PDZRN4: variants seen among roughly 807,000 people sequenced by gnomAD.
The protein encoded by PDZRN4 is PDZ domain containing ring finger 4.
In PDZRN4, 70 loss-of-function variants were observed where a neutral mutation model predicts 99.0. That is an observed-to-expected ratio of 0.71 (90% confidence interval 0.58 to 0.86). The LOEUF is 0.86. PDZRN4 is among the 40% of genes least tolerant of loss of function. The pLI, the probability that PDZRN4 is intolerant of heterozygous loss-of-function variation, is 0.00. For missense variants in PDZRN4, 1,474 were observed against 1,331.2 expected, an observed-to-expected ratio of 1.11 and a Z score of -1.67; for synonymous variants, 551 against 501.6, an observed-to-expected ratio of 1.10 and a Z score of -1.32.
At chr12:41,477,840 T>G (rs775110722) in intron 3 of PDZRN4, 2 of 1,461,562 alleles carry the variant, frequency 1.4e-6, no homozygotes, top group African/African-American at 2.8e-5. Context: ...AATGCTTATC[T>G]TTGGATTTTT....
chr12:41,208,097 G>C (rs964188224), intron 3 of PDZRN4, among the ~76,000 whole-genome samples: 1 of 151,852 alleles, frequency 6.6e-6, no homozygotes, highest in Non-Finnish European at 1.5e-5. Context: ...TGAGTGTCCT[G>C]TCTTTTGTGT....
rs1939312788 is a variant in PDZRN4 at position 41,563,666 on chromosome 12, A to G, written c.1467+17A>G. On this transcript the variant is annotated intron_variant, in intron 8 of 9. Transcript: ENST00000402685. ...GAGATTCAGGTCAGAACAGAGATCA[A>G]AAGCCTTGAGACTGAACTTTATATT... is the stretch of plus-strand genomic sequence containing the variant. The G allele has an allele frequency of 1.3e-6, 2 of 1,562,540 alleles. No individual in the cohort carries two copies. The highest frequency in any genetic ancestry group is 2.7e-5 in the African/African-American group (2 of 73,726).
chr12:41,463,226 G>A (rs747372490), intron 3 of PDZRN4, among the ~76,000 whole-genome samples: 1 of 152,104 alleles, frequency 6.6e-6, no homozygotes, highest in Non-Finnish European at 1.5e-5. Flanking sequence ...TGGACAAACG[G>A]CTGATTTGTA....
chr12:41,293,603 G>T (rs1382191083), intron 3 of PDZRN4, among the ~76,000 whole-genome samples: 1 of 152,028 alleles, frequency 6.6e-6, no homozygotes, highest in Non-Finnish European at 1.5e-5. Context: ...CACCATTAAT[G>T]CATATCCCTG....
chr12:41,385,278 T>C (rs764596527), intron 3 of PDZRN4, among the ~76,000 whole-genome samples: 1 of 152,060 alleles, frequency 6.6e-6, no homozygotes, highest in Admixed American at 6.6e-5. Context: ...AGCCAAAGAA[T>C]GAAGGAGGCA....
intron 3 of PDZRN4, among the ~76,000 whole-genome samples, chr12:41,455,827 G>C (rs1277299631): frequency 6.6e-6 from 1 of 152,140 alleles, no homozygotes; most frequent in Non-Finnish European, 1.5e-5. Context: ...TGGTTGAATA[G>C]AAATTTGTTC....
At chr12:41,351,421 G>A (rs1357797654) in intron 3 of PDZRN4, among the ~76,000 whole-genome samples, 1 of 152,068 alleles carries the variant, frequency 6.6e-6, no homozygotes, top group South Asian at 2.1e-4. Flanking sequence ...CTGCTATGAA[G>A]ACACACTTGA....
intron 3 of PDZRN4, among the ~76,000 whole-genome samples, chr12:41,333,086 G>T (rs1592016021): frequency 6.6e-6 from 1 of 152,066 alleles, no homozygotes; most frequent in Non-Finnish European, 1.5e-5. Context: ...TGACCTCAAA[G>T]CCTGCACCTG....
At chr12:41,440,950 G>C (rs1048698163) in intron 3 of PDZRN4, among the ~76,000 whole-genome samples, 13 of 152,072 alleles carry the variant, frequency 8.5e-5, no homozygotes, top group Admixed American at 7.9e-4. Flanking sequence ...AGCTACAATA[G>C]CTTGTTAGGT....
Position 41,509,886 on chromosome 12 carries a change from A to G in PDZRN4, c.1176A>G (p.Ala392=). 6.3e-7 allele frequency: 1 copy of G among 1,588,126 alleles called. No individual in the cohort carries two copies. Among genetic ancestry groups the G allele is most frequent in the African/African-American group, 1.3e-5 (1 of 74,394 alleles). The part of the protein sequence containing the change: ...NEYISSLPAD[A]DRTEDFEYEE... ...ATATTTCCAGCTTGCCTGCTGATGC[A>G]GACAGAACAGAAGACTTTGAATATG... The change falls in exon 5 of 10, where the codon GCA becomes GCG. Residue 392 remains alanine (A), a synonymous_variant. Transcript: ENST00000402685.
chr12:41,467,142 C>A (rs1169557056), intron 3 of PDZRN4, among the ~76,000 whole-genome samples: 1 of 152,142 alleles, frequency 6.6e-6, no homozygotes, highest in Non-Finnish European at 1.5e-5. Flanking sequence ...CATACCTAAC[C>A]ACAAATATTG....
intron 3 of PDZRN4, among the ~76,000 whole-genome samples, chr12:41,392,707 GCA>G (rs938933337): frequency 6.6e-5 from 10 of 152,158 alleles, no homozygotes; most frequent in African/African-American, 2.4e-4. Flanking sequence ...GTATGTAGGA[GCA>G]CTGCAAACCT....
At chr12:41,418,580 C>T (rs1952463550) in intron 3 of PDZRN4, among the ~76,000 whole-genome samples, 1 of 152,152 alleles carries the variant, frequency 6.6e-6, no homozygotes, top group Non-Finnish European at 1.5e-5. Context: ...ATAGTCATGA[C>T]TTTGTCCTAT....
At chr12:41,421,090 T>C (rs1237111102) in intron 3 of PDZRN4, among the ~76,000 whole-genome samples, 1 of 152,190 alleles carries the variant, frequency 6.6e-6, no homozygotes, top group African/African-American at 2.4e-5. Context: ...CTCTGTAGCA[T>C]TTCTCTCATT....
chr12:41,199,299 C>A (rs1323348372), intron 3 of PDZRN4, among the ~76,000 whole-genome samples: 1 of 152,012 alleles, frequency 6.6e-6, no homozygotes, highest in Non-Finnish European at 1.5e-5. Context: ...ATTAAAATCA[C>A]AATGAGATAC....
chr12:41,301,489 T>C (rs1435164185), intron 3 of PDZRN4, among the ~76,000 whole-genome samples: 2 of 152,032 alleles, frequency 1.3e-5, no homozygotes, highest in African/African-American at 4.8e-5. Context: ...GGATAAGACA[T>C]AAGGATATAA....
At chr12:41,554,897 A>G (rs912716589) in intron 6 of PDZRN4, among the ~76,000 whole-genome samples, 1 of 151,798 alleles carries the variant, frequency 6.6e-6, no homozygotes, top group Non-Finnish European at 1.5e-5. Context: ...TGCCCATGAG[A>G]CATAATTCTC....
Position 41,443,677 on chromosome 12 carries a change from A to G in PDZRN4, c.844-62779A>G, listed in dbSNP as rs966344137. Among the ~76,000 whole-genome samples the G allele has an allele frequency of 6.6e-5, 10 of 152,264 alleles. No individual in the cohort carries two copies. In the South Asian group the frequency reaches 1.2e-3, roughly 19 times the overall value. ...CCTAAGTTAGTGGTCAAAAGAATGT[A>G]AAAGGAGAATAAAAGTGAGGCCTAC... On this transcript the variant is annotated intron_variant, in intron 3 of 9. Transcript: ENST00000402685.
chr12:41,373,979 A>G (rs1952062041), intron 3 of PDZRN4, among the ~76,000 whole-genome samples: 1 of 152,092 alleles, frequency 6.6e-6, no homozygotes, highest in African/African-American at 2.4e-5. Context: ...CCCACAACAC[A>G]CAGGTTCTTG....
Sources: allele counts gnomAD v4.1 joint callset (sites outside exome capture counted in the v4.1 genomes callset), GRCh38; gene constraint gnomAD v4.1.1; transcripts MANE v1.5; gene names NCBI Gene and HGNC (gene_info 2026-07-23, HGNC 2026-07-21).